GALNT17: variants seen among roughly 807,000 people sequenced by gnomAD.
The protein encoded by GALNT17 is UDP-GalNAc:polypeptide N-acetylgalactosaminyltransferase-like 3.
A neutral mutation model predicts 63.7 loss-of-function variants in GALNT17; 29 were observed. That is an observed-to-expected ratio of 0.46 (90% CI 0.34 to 0.62). GALNT17 has a LOEUF of 0.62. Ranked by LOEUF, GALNT17 falls within the 20% of genes least tolerant of loss-of-function variation. The pLI is 0.01. For missense variants in GALNT17, 603 were observed against 799.6 expected, an observed-to-expected ratio of 0.75 and a Z score of 2.97; for synonymous variants, 305 against 318.3, an observed-to-expected ratio of 0.96 and a Z score of 0.45.
At chr7:71,238,826 A>G (rs1789942111) in intron 1 of GALNT17, among the ~76,000 whole-genome samples, 1 of 152,202 alleles carries the variant, frequency 6.6e-6, no homozygotes, top group Non-Finnish European at 1.5e-5. Context: ...ACAATGCAGC[A>G]GAGACCATGT....
Position 71,148,527 on chromosome 7 carries a change from C to A in GALNT17, c.238+15487C>A, listed in dbSNP as rs569391948. ...TAGCAAAAGAGAAGGAGAACGGGAA[C>A]AGCATTTGCATTGTGAATCCGCAGT... On this transcript the variant is annotated intron_variant, in intron 1 of 10. Transcript: ENST00000333538. Among the ~76,000 whole-genome samples the A allele has an allele frequency of 5.7e-4, 87 of 152,244 alleles. 1 individual carries two copies. In the South Asian group the frequency reaches 0.018, roughly 31 times the overall value.
At chr7:71,707,576 C>A (rs1791738995) in intron 9 of GALNT17, among the ~76,000 whole-genome samples, 1 of 152,168 alleles carries the variant, frequency 6.6e-6, no homozygotes. Context: ...GTCTACAGGT[C>A]AGCTGGATGG....
intron 5 of GALNT17, among the ~76,000 whole-genome samples, chr7:71,475,233 TC>T (rs776730640): frequency 6.6e-6 from 1 of 152,188 alleles, no homozygotes; most frequent in Non-Finnish European, 1.5e-5. Context: ...GAGGATGATT[TC>T]GGGATGATTC....
intron 5 of GALNT17, among the ~76,000 whole-genome samples, chr7:71,557,149 C>T (rs1472389447): frequency 6.6e-6 from 1 of 151,708 alleles, no homozygotes; most frequent in African/African-American, 2.4e-5. Context: ...ACCTCAGCCT[C>T]CCAAAGCTCT....
At chr7:71,536,261 T>A (rs1160416346) in intron 5 of GALNT17, among the ~76,000 whole-genome samples, 2 of 152,064 alleles carry the variant, frequency 1.3e-5, no homozygotes, top group Non-Finnish European at 2.9e-5. Flanking sequence ...TAGATCTGGG[T>A]CTCACCTTTT....
chr7:71,614,589 C>T (rs1254047959), intron 6 of GALNT17, among the ~76,000 whole-genome samples: 1 of 151,134 alleles, frequency 6.6e-6, no homozygotes, highest in Non-Finnish European at 1.5e-5. Context: ...TGTTGCACTC[C>T]AGCCTGGTGA....
Position 71,635,457 on chromosome 7 carries a change from A to G in GALNT17, c.1081-29954A>G, listed in dbSNP as rs1403867106. Among the ~76,000 whole-genome samples, 7 of 152,166 alleles carry G rather than the reference A, an allele frequency of 4.6e-5. No homozygotes were observed. The East Asian group carries it at 1.4e-3, about 29-fold the overall frequency. On this transcript the variant is annotated intron_variant, in intron 6 of 10. Transcript: ENST00000333538. Reference sequence around the variant, plus strand: ...AATTTTAAAATAGCCGTGGCTAAGGAGGAAGTACATTCGGATGGTTGAGGG... The same window carrying G: ...AATTTTAAAATAGCCGTGGCTAAGGGGGAAGTACATTCGGATGGTTGAGGG...
intron 1 of GALNT17, among the ~76,000 whole-genome samples, chr7:71,240,988 T>G (rs1377935640): frequency 6.6e-6 from 1 of 152,134 alleles, no homozygotes; most frequent in Admixed American, 6.5e-5. Context: ...CCACTGTTGA[T>G]GGGCACCTAG....
intron 9 of GALNT17, among the ~76,000 whole-genome samples, chr7:71,700,267 C>A (rs1791611730): frequency 6.6e-6 from 1 of 150,820 alleles, no homozygotes; most frequent in African/African-American, 2.4e-5. Context: ...GAGATCACGC[C>A]ACTGCACTAC....
intron 6 of GALNT17, among the ~76,000 whole-genome samples, chr7:71,621,553 A>AGATGGATT: frequency 7.0e-6 from 1 of 143,040 alleles, no homozygotes; most frequent in East Asian, 2.1e-4. Flanking sequence ...ATTGATGGAT[A>AGATGGATT]GATGGATGGA....
chr7:71,690,961 G>A (rs1405079689), intron 9 of GALNT17, among the ~76,000 whole-genome samples: 2 of 152,168 alleles, frequency 1.3e-5, no homozygotes, highest in African/African-American at 4.8e-5. Context: ...TGACACAAGA[G>A]AATATTTAGA....
chr7:71,294,686 A>T (rs1028135913), intron 1 of GALNT17, among the ~76,000 whole-genome samples: 1 of 152,088 alleles, frequency 6.6e-6, no homozygotes. Flanking sequence ...AACTGCTGGG[A>T]TTACAGGTGT....
chr7:71,177,726 G>A (rs1788664789), intron 1 of GALNT17, among the ~76,000 whole-genome samples: 1 of 151,818 alleles, frequency 6.6e-6, no homozygotes, highest in Non-Finnish European at 1.5e-5. Flanking sequence ...CCAACGAGTT[G>A]CTCATATGAG....
intron 1 of GALNT17, among the ~76,000 whole-genome samples, chr7:71,225,007 T>C (rs1789654748): frequency 6.6e-6 from 1 of 152,196 alleles, no homozygotes; most frequent in Non-Finnish European, 1.5e-5. Flanking sequence ...AGAGTCTCCC[T>C]CTGCCACCCA....
chr7:71,590,211 G>A (rs1345878856), intron 6 of GALNT17, among the ~76,000 whole-genome samples: 1 of 152,142 alleles, frequency 6.6e-6, no homozygotes, highest in African/African-American at 2.4e-5. Context: ...TTTTATAAAT[G>A]ATGTCTAATG....
intron 1 of GALNT17, among the ~76,000 whole-genome samples, chr7:71,239,562 A>G (rs996358356): frequency 5.3e-5 from 8 of 152,242 alleles, no homozygotes; most frequent in Non-Finnish European, 7.3e-5. Flanking sequence ...TCTAATGTCA[A>G]AGCCCTTTCT....
intron 5 of GALNT17, among the ~76,000 whole-genome samples, chr7:71,482,075 A>ATGTGTG (rs1384133269): frequency 0.029 from 1,175 of 40,456 alleles, 6 homozygotes; most frequent in Middle Eastern, 0.05. Context: ...GTATACATAT[A>ATGTGTG]TGTATATGTG....
At chr7:71,446,102 A>G (rs1228251053) in intron 5 of GALNT17, among the ~76,000 whole-genome samples, 1 of 152,198 alleles carries the variant, frequency 6.6e-6, no homozygotes, top group Non-Finnish European at 1.5e-5. Flanking sequence ...TTAGAGCTCC[A>G]TAATTTGTCT....
intron 1 of GALNT17, among the ~76,000 whole-genome samples, chr7:71,302,317 A>G (rs575391629): frequency 6.6e-6 from 1 of 152,316 alleles, no homozygotes; most frequent in Middle Eastern, 3.4e-3. Context: ...GTATGTAACA[A>G]ACCTGCACAT....
Sources: allele counts gnomAD v4.1 joint callset (sites outside exome capture counted in the v4.1 genomes callset), GRCh38; gene constraint gnomAD v4.1.1; transcripts MANE v1.5; gene names NCBI Gene and HGNC (gene_info 2026-07-23, HGNC 2026-07-21).